Variants in SERGEF observed in about 807,000 individuals in gnomAD.
SERGEF encodes the protein secretion-regulating guanine nucleotide exchange factor.
In SERGEF, 51 loss-of-function variants were observed where a neutral mutation model predicts 50.0. The observed-to-expected ratio is 1.02, with a 90% CI of 0.81 to 1.29. The LOEUF (loss-of-function observed/expected upper bound fraction) is 1.29, where lower values mean the gene tolerates loss of function less well. SERGEF is among the 50% of genes most tolerant of loss of function. SERGEF has a pLI of 0.00. For missense variants in SERGEF, 521 were observed against 557.0 expected, an observed-to-expected ratio of 0.94 and a Z score of 0.65; for synonymous variants, 205 against 212.4, an observed-to-expected ratio of 0.97 and a Z score of 0.30.
intron 10 of SERGEF, among the ~76,000 whole-genome samples, chr11:17,815,705 C>T (rs200937138): frequency 2.6e-5 from 4 of 151,778 alleles, no homozygotes; most frequent in East Asian, 1.9e-4. Context: ...GGGTGGATCA[C>T]GAGGTCAAGA....
At chr11:17,874,623 A>G (rs1003773959) in intron 10 of SERGEF, among the ~76,000 whole-genome samples, 6 of 152,236 alleles carry the variant, frequency 3.9e-5, no homozygotes, top group African/African-American at 1.4e-4. Flanking sequence ...AAGAAACTGA[A>G]ATGTGGCTTC....
At chr11:17,882,433 A>AAG (rs1441206800) in intron 9 of SERGEF, among the ~76,000 whole-genome samples, 1 of 151,658 alleles carries the variant, frequency 6.6e-6, no homozygotes, top group East Asian at 1.9e-4. Flanking sequence ...AAAAAAAAAA[A>AAG]AAAGAAAAAA....
chr11:17,859,436 A>G (rs946504517), intron 10 of SERGEF, among the ~76,000 whole-genome samples: 3 of 152,128 alleles, frequency 2.0e-5, no homozygotes, highest in African/African-American at 4.8e-5. Flanking sequence ...GAAAGAAAAG[A>G]TAAGAAAATT....
intron 8 of SERGEF, among the ~76,000 whole-genome samples, chr11:17,985,068 A>G (rs759342381): frequency 6.6e-6 from 1 of 152,228 alleles, no homozygotes; most frequent in Non-Finnish European, 1.5e-5. Context: ...GCATGCAAGT[A>G]AAAGACTTTA....
chr11:17,867,099 A>C (rs952232322), intron 10 of SERGEF, among the ~76,000 whole-genome samples: 3 of 152,224 alleles, frequency 2.0e-5, no homozygotes, highest in Admixed American at 1.3e-4. Context: ...CTCACATTTC[A>C]AAACCAATCA....
intron 9 of SERGEF, among the ~76,000 whole-genome samples, chr11:17,948,889 G>A (rs1590213515): frequency 6.6e-6 from 1 of 152,198 alleles, no homozygotes; most frequent in African/African-American, 2.4e-5. Flanking sequence ...CAGTCTCCCT[G>A]AGTCTTGGAT....
At chr11:17,848,705 T>C (rs368757378) in intron 10 of SERGEF, among the ~76,000 whole-genome samples, 9 of 152,330 alleles carry the variant, frequency 5.9e-5, no homozygotes, top group East Asian at 5.8e-4. Flanking sequence ...TTTTACTAAA[T>C]TATAAAAAGA....
chr11:17,797,451 ATG>A (rs1849590064), intron 10 of SERGEF, among the ~76,000 whole-genome samples: 1 of 152,146 alleles, frequency 6.6e-6, no homozygotes, highest in South Asian at 2.1e-4. Flanking sequence ...TCATTCCTTC[ATG>A]TTGTTCAGGT....
chr11:17,863,655 TG>T (rs781087372), intron 10 of SERGEF: 4 of 152,226 alleles, frequency 2.6e-5, no homozygotes, highest in Non-Finnish European at 5.9e-5. Flanking sequence ...GTCCAAAGTA[TG>T]GCCAAATTTA....
chr11:17,943,479 G>A (rs1027311299), intron 9 of SERGEF, among the ~76,000 whole-genome samples: 31 of 152,020 alleles, frequency 2.0e-4, no homozygotes, highest in African/African-American at 6.0e-4. Context: ...GATAGTCCAG[G>A]TAGGGCTTTA....
intron 9 of SERGEF, among the ~76,000 whole-genome samples, chr11:17,954,542 T>C (rs529742629): frequency 3.9e-5 from 6 of 152,326 alleles, no homozygotes; most frequent in South Asian, 2.1e-4. Flanking sequence ...TTCCGACAGA[T>C]TGCACTTAGA....
At chr11:17,811,268 C>T (rs1052660329) in intron 10 of SERGEF, among the ~76,000 whole-genome samples, 10 of 152,222 alleles carry the variant, frequency 6.6e-5, no homozygotes, top group Non-Finnish European at 1.2e-4. Flanking sequence ...TTGATCCCAA[C>T]CCAGGGTTCT....
intron 10 of SERGEF, among the ~76,000 whole-genome samples, chr11:17,798,735 C>T (rs1021544846): frequency 6.6e-6 from 1 of 152,214 alleles, no homozygotes; most frequent in Non-Finnish European, 1.5e-5. Flanking sequence ...GGCTGCCTTG[C>T]GAGAGGGGGC....
chr11:17,866,888 T>G (rs988607042), intron 10 of SERGEF: 1 of 152,208 alleles, frequency 6.6e-6, no homozygotes, highest in Non-Finnish European at 1.5e-5. Context: ...AGAGAGCTTG[T>G]GCAGAGAAAC....
intron 1 of SERGEF, 172 bp downstream of exon 1, chr11:18,012,779 G>A (rs1433199604): frequency 6.4e-6 from 4 of 625,576 alleles, no homozygotes; most frequent in Non-Finnish European, 6.9e-6. Context: ...TTCCTTCCCC[G>A]CCCGCCCGCT....
At chr11:17,908,752 T>TA (rs1402323954) in intron 9 of SERGEF, among the ~76,000 whole-genome samples, 3 of 152,096 alleles carry the variant, frequency 2.0e-5, no homozygotes, top group Admixed American at 6.5e-5. Context: ...ATCAAAGCAA[T>TA]ACTGACAGGA....
chr11:17,915,055 C>T (rs1295240336), intron 9 of SERGEF, among the ~76,000 whole-genome samples: 1 of 152,186 alleles, frequency 6.6e-6, no homozygotes, highest in Non-Finnish European at 1.5e-5. Flanking sequence ...TGACTGACAA[C>T]AAAACCTGTG....
intron 6 of SERGEF, among the ~76,000 whole-genome samples, chr11:17,995,197 T>C (rs1438799994): frequency 6.6e-6 from 1 of 152,090 alleles, no homozygotes; most frequent in Non-Finnish European, 1.5e-5. Context: ...GCAGAACACA[T>C]ATTACCTACT....
intron 9 of SERGEF, among the ~76,000 whole-genome samples, chr11:17,878,686 TG>T (rs1851285617): frequency 6.6e-6 from 1 of 152,222 alleles, no homozygotes; most frequent in Admixed American, 6.5e-5. Flanking sequence ...CAGACTGGTC[TG>T]TGGAGAAATG....
Sources: allele counts gnomAD v4.1 joint callset (sites outside exome capture counted in the v4.1 genomes callset), GRCh38; gene constraint gnomAD v4.1.1; transcripts MANE v1.5; gene names NCBI Gene and HGNC (gene_info 2026-07-23, HGNC 2026-07-21).